Variants in OXR1 observed in about 807,000 individuals in gnomAD.
OXR1 encodes the protein oxidation resistance protein 1.
OXR1 carries 41 observed loss-of-function variants against 104.6 expected under a neutral mutation model. That is an observed-to-expected ratio of 0.39 (90% confidence interval 0.31 to 0.51). The LOEUF is 0.51. OXR1 is among the 20% of genes least tolerant of loss of function. OXR1 has a pLI of 0.77. For synonymous variants in OXR1, 348 were observed against 348.4 expected (o/e 1.00, Z 0.01); for missense variants, 955 against 1,031.9 (o/e 0.93, Z 1.02).
chr8:106,461,216 T>C (rs1281078875), intron 2 of OXR1, among the ~76,000 whole-genome samples: 2 of 151,708 alleles, frequency 1.3e-5, no homozygotes, highest in Admixed American at 6.6e-5. Context: ...AGAGTAAGAG[T>C]AGTCTCCCCT....
At chr8:106,628,895 A>T (rs1000932245) in intron 3 of OXR1, among the ~76,000 whole-genome samples, 1 of 152,162 alleles carries the variant, frequency 6.6e-6, no homozygotes, top group Non-Finnish European at 1.5e-5. Context: ...ACAGACTCCA[A>T]GGATAATTTT....
intron 3 of OXR1, among the ~76,000 whole-genome samples, chr8:106,652,265 A>T (rs3110437): frequency 0.36 from 54,996 of 151,770 alleles, 10,547 homozygotes; most frequent in African/African-American, 0.48. Context: ...CTTGGGTAGG[A>T]GCTTAAGAGA....
chr8:106,630,841 A>G (rs1267463790), intron 3 of OXR1, among the ~76,000 whole-genome samples: 1 of 152,194 alleles, frequency 6.6e-6, no homozygotes, highest in African/African-American at 2.4e-5. Context: ...TAACACTTCT[A>G]GTTCTAGGGC....
intron 6 of OXR1, among the ~76,000 whole-genome samples, chr8:106,691,957 GTATATAT>G (rs1554621691): frequency 7.0e-6 from 1 of 143,676 alleles, no homozygotes; most frequent in Non-Finnish European, 1.5e-5. Context: ...ACCAAGAAGC[GTATATAT>G]GTGTGTGTGT....
chr8:106,474,716 C>G (rs549057900), intron 2 of OXR1, among the ~76,000 whole-genome samples: 1 of 152,004 alleles, frequency 6.6e-6, no homozygotes, highest in South Asian at 2.1e-4. Flanking sequence ...GTCTGCAAAG[C>G]TGAAAATATT....
At chr8:106,493,574 G>A (rs898958511) in intron 2 of OXR1, among the ~76,000 whole-genome samples, 1 of 151,890 alleles carries the variant, frequency 6.6e-6, no homozygotes, top group Admixed American at 6.6e-5. Context: ...ACAATGTCGG[G>A]CCACACTGAA....
rs540901001 is a variant in OXR1 at position 106,537,926 on chromosome 8, A to G, written c.220+18787A>G. Among the ~76,000 whole-genome samples, 13 of 152,298 alleles carry G rather than the reference A, an allele frequency of 8.5e-5. No homozygotes were observed. In the East Asian group the frequency reaches 1.2e-3, roughly 14 times the overall value. ...AAATTATGAGAATGCTGAGCCTTAC[A>G]CCACCTTCCCACCTCCTCTATCTGT... On this transcript the variant is annotated intron_variant, in intron 3 of 16. Transcript: ENST00000517566.
intron 2 of OXR1, among the ~76,000 whole-genome samples, chr8:106,407,009 A>G (rs1818270114): frequency 6.6e-6 from 1 of 152,178 alleles, no homozygotes; most frequent in South Asian, 2.1e-4. Flanking sequence ...AGCAGGGGGT[A>G]TATGAAAACT....
chr8:106,448,042 G>A, intron 2 of OXR1: 1 of 1,535,822 alleles, frequency 6.5e-7, no homozygotes, highest in Non-Finnish European at 8.7e-7. Flanking sequence ...GACAAAAACA[G>A]CCCAGGGTAG....
At chr8:106,507,398 T>C (rs1812241078) in intron 2 of OXR1, among the ~76,000 whole-genome samples, 2 of 152,224 alleles carry the variant, frequency 1.3e-5, no homozygotes. Flanking sequence ...TGCCAGGCAT[T>C]CTAACTTCAG....
chr8:106,650,800 C>T lies in OXR1; in HGVS notation c.221-28410C>T, dbSNP rs186805848. Among the ~76,000 whole-genome samples the T allele has an allele frequency of 2.0e-4, 30 of 152,270 alleles. No individual in the cohort carries two copies. In the South Asian group the frequency reaches 3.1e-3, roughly 16 times the overall value. On this transcript the variant is annotated intron_variant, in intron 3 of 16. Coordinates refer to ENST00000517566, the MANE Select transcript of OXR1 (RefSeq NM_001198533.2). ...CATTGTTTTCAAAAATTGAAGCATA[C>T]GACATGTGGTGTTCTATATCTTCCT...
intron 6 of OXR1, among the ~76,000 whole-genome samples, chr8:106,692,483 A>G (rs1325499953): frequency 6.6e-6 from 1 of 152,082 alleles, no homozygotes; most frequent in Non-Finnish European, 1.5e-5. Context: ...AGATATGTGT[A>G]TCTCCCTATT....
At chr8:106,651,236 A>G (rs1824545570) in intron 3 of OXR1, among the ~76,000 whole-genome samples, 1 of 152,232 alleles carries the variant, frequency 6.6e-6, no homozygotes, top group East Asian at 1.9e-4. Context: ...TCCTGATAGA[A>G]GAAAATGGTA....
chr8:106,308,027 TAC>T (rs371216720), intron 1 of OXR1, among the ~76,000 whole-genome samples: 5 of 148,822 alleles, frequency 3.4e-5, no homozygotes, highest in African/African-American at 1.3e-4. Flanking sequence ...CACACACACA[TAC>T]ACACACACAG....
At chr8:106,488,121 G>C (rs1215022139) in intron 2 of OXR1, among the ~76,000 whole-genome samples, 1 of 146,178 alleles carries the variant, frequency 6.8e-6, no homozygotes, top group Non-Finnish European at 1.5e-5. Context: ...CATTCTAACT[G>C]GTGTGAGATG....
rs35750112 is a variant in OXR1, at chr8:106,733,825, C to CA, written c.1957-3679dup. 1.1e-3 allele frequency among the ~76,000 whole-genome samples: 105 copies of CA among 96,054 alleles called. 1 individual carries two copies. The highest frequency in any genetic ancestry group is 4.9e-3 in the Admixed American group (43 of 8,758). The allele number at this position is 96,054 out of a possible 152,430, so 63.0% of individuals were successfully genotyped here. ...TGAGTGACAGAGGGAGACTCCGTCT[C>CA]AAAAAAAAAAAAAAAAGAAAAGAAA... On this transcript the variant is annotated intron_variant, in intron 11 of 16. Transcript: ENST00000517566.
chr8:106,504,369 C>G (rs1462468930), intron 2 of OXR1, among the ~76,000 whole-genome samples: 4 of 152,160 alleles, frequency 2.6e-5, no homozygotes, highest in Non-Finnish European at 5.9e-5. Context: ...GGCTTCAAGG[C>G]ATCCTTTCCT....
chr8:106,735,077 T>C (rs1015968216), intron 11 of OXR1, among the ~76,000 whole-genome samples: 1 of 152,200 alleles, frequency 6.6e-6, no homozygotes, highest in Non-Finnish European at 1.5e-5. Flanking sequence ...ACCAAGGGTT[T>C]AAAATTAATG....
Position 106,710,640 on chromosome 8 carries a change from A to G in OXR1, c.1643A>G (p.Glu548Gly), listed in dbSNP as rs747489329. The part of the protein sequence containing the change: ...GHIESSALLK[E>G]KQRHRLHKFL... The stretch of plus-strand genomic sequence containing the variant: ...ATTCTAGGTTCTGCACTTTTAAAAG[A>G]AAAGCAAAGGCATCGATTACATAAG... Residue 548 changes from glutamate to glycine, a missense_variant, in exon 10 of 17, where the codon GAA (glutamate) becomes GGA (glycine). Glu to Gly is a moderately conservative substitution (Grantham distance 98). This residue lies in a region of OXR1 where 849 missense variants were observed against 852.9 expected (regional missense o/e 1.00). Transcript: ENST00000517566. The G allele has an allele frequency of 7.6e-6, 12 of 1,588,314 alleles. No individual in the cohort carries two copies. The Admixed American group carries it at 1.4e-4, about 19-fold the overall frequency.
Sources: gnomAD v4.1 joint callset for allele counts (sites outside exome capture counted in the v4.1 genomes callset) on GRCh38, gnomAD v4.1.1 for gene constraint, gnomAD v4.1.1 regional missense constraint, MANE v1.5 for transcripts, NCBI Gene and HGNC (gene_info 2026-07-23, HGNC 2026-07-21) for gene names.